TXN: variants seen among roughly 807,000 people sequenced by gnomAD.
The protein encoded by TXN is ADF.
Under a neutral mutation model 16.5 loss-of-function variants are expected in TXN, and 10 were observed. The ratio of observed to expected loss-of-function variants is 0.61; its 90% CI spans 0.37 to 1.03. The LOEUF is 1.03. TXN is among the 50% of genes least tolerant of loss of function. The pLI, the probability that TXN is intolerant of heterozygous loss-of-function variation, is 0.01. For synonymous variants in TXN, 35 were observed against 39.4 expected (o/e 0.89, Z 0.42); for missense variants, 71 against 122.5 (o/e 0.58, Z 1.98).
chr9:110,246,295 G>A (rs929779642), intron 3 of TXN, among the ~76,000 whole-genome samples: 6 of 152,140 alleles, frequency 3.9e-5, no homozygotes, highest in Admixed American at 6.5e-5. Flanking sequence ...TCTCCTAGAA[G>A]TGGCTGTTAC....
At chr9:110,254,105 T>C (rs1287762585) in intron 1 of TXN, among the ~76,000 whole-genome samples, 1 of 151,570 alleles carries the variant, frequency 6.6e-6, no homozygotes, top group Non-Finnish European at 1.5e-5. Flanking sequence ...TCCATTCCTC[T>C]CTGAAATAGA....
intron 3 of TXN, among the ~76,000 whole-genome samples, chr9:110,245,626 A>C (rs1837641072): frequency 4.8e-5 from 1 of 21,012 alleles, no homozygotes; most frequent in Non-Finnish European, 7.6e-5. Flanking sequence ...CACTATATAT[A>C]TATATATATA....
At position 110,245,646 on chromosome 9, in the gene TXN, A is replaced by T. The variant is rs1302915886; in HGVS notation, c.190-803T>A. On this transcript the variant is annotated intron_variant, in intron 3 of 4. Transcript: ENST00000374517. ...TATATATATATATATATATATATAT[A>T]TATATATATTTTTTTTTTTTTTTTT... Among the ~76,000 whole-genome samples, 200 of 27,842 alleles carry T rather than the reference A, an allele frequency of 7.2e-3. 5 individuals carry two copies. Among genetic ancestry groups the T allele is most frequent in the Non-Finnish European group, 9.2e-3 (153 of 16,682 alleles). The allele number at this position is 27,842 out of a possible 152,430, so 18.3% of individuals were successfully genotyped here.
intron 1 of TXN, among the ~76,000 whole-genome samples, chr9:110,255,802 C>A (rs1293222779): frequency 2.0e-5 from 3 of 152,198 alleles, no homozygotes; most frequent in Admixed American, 6.5e-5. Context: ...CCTTTGGGGT[C>A]GGGCATGGGT....
chr9:110,256,447 G>T lies in TXN; in HGVS notation c.-12C>A. 1 of 1,605,686 alleles carries T rather than the reference G, an allele frequency of 6.2e-7. No homozygotes were observed. The highest frequency in any genetic ancestry group is 8.5e-7 in the Non-Finnish European group (1 of 1,176,288). On this transcript the variant is annotated 5_prime_UTR_variant, in exon 1 of 5. Transcript: ENST00000374517. The surrounding 1 kb of genome is among the most constrained non-coding windows in gnomAD (Gnocchi z 4.2). ...ATCTGCTTCACCATCTTGGCTGCTG[G>T]AGTCTGACGAGCGGCTGTAAGGACC... is the stretch of plus-strand genomic sequence containing the variant.
chr9:110,256,358 G>A lies in TXN; in HGVS notation c.24+54C>T, dbSNP rs1443382373. 9 of 1,555,492 alleles carry A rather than the reference G, an allele frequency of 5.8e-6. No individual in the cohort carries two copies. Among genetic ancestry groups the A allele is most frequent in the African/African-American group, 2.7e-5 (2 of 73,048 alleles). On this transcript the variant is annotated intron_variant, in intron 1 of 4. Transcript: ENST00000374517. This position sits in a 1 kb window ranked among gnomAD's most constrained non-coding sequence, Gnocchi z 4.2. Reference sequence around the variant, plus strand: ...CCACCTCCCGCCACCGCCTTCCCCAGTTACAGAGGCCGCGCGCGGCGCCGG... The same window carrying A: ...CCACCTCCCGCCACCGCCTTCCCCAATTACAGAGGCCGCGCGCGGCGCCGG...
rs1218140135 is a variant in TXN, at chr9:110,256,399, C to G, written c.24+13G>C. ...GCGGCGCCGGCACCCTGGCCTTCCC[C>G]GGTAGCGCGTACCTTGCTCTCGATC... is the stretch of plus-strand genomic sequence containing the variant. On this transcript the variant is annotated intron_variant, in intron 1 of 4. Coordinates refer to ENST00000374517, the MANE Select transcript of TXN (RefSeq NM_003329.4). This position sits in a 1 kb window ranked among gnomAD's most constrained non-coding sequence, Gnocchi z 4.2. The G allele has an allele frequency of 2.5e-6, 4 of 1,605,080 alleles. No individual in the cohort carries two copies. The highest frequency in any genetic ancestry group is 3.4e-5 in the Admixed American group (2 of 59,056).
In TXN at chr9:110,256,329, T is replaced by TTCCCCACCTCCCGCCACCGCCG; in HGVS notation, c.24+82_24+83insCGGCGGTGGCGGGAGGTGGGGA. On this transcript the variant is annotated intron_variant, in intron 1 of 4. Coordinates refer to ENST00000374517, the MANE Select transcript of TXN (RefSeq NM_003329.4). This position sits in a 1 kb window ranked among gnomAD's most constrained non-coding sequence, Gnocchi z 4.2. Reference sequence around the variant, plus strand: ...GGCCTCCGCACCTCCCGCCACCGCCTTCCCCACCTCCCGCCACCGCCTTCC... The same window carrying TTCCCCACCTCCCGCCACCGCCG: ...GGCCTCCGCACCTCCCGCCACCGCCTTCCCCACCTCCCGCCACCGCCGTCCCCACCTCCCGCCACCGCCTTCC... The TTCCCCACCTCCCGCCACCGCCG allele has an allele frequency of 9.6e-7, 1 of 1,039,666 alleles. No homozygotes were observed. Among genetic ancestry groups the TTCCCCACCTCCCGCCACCGCCG allele is most frequent in the East Asian group, 3.7e-5 (1 of 27,306 alleles). The allele number at this position is 1,039,666 out of a possible 1,614,324, so 64.4% of individuals were successfully genotyped here.
At position 110,244,815 on chromosome 9, in the gene TXN, C is replaced by A; in HGVS notation, c.218G>T (p.Cys73Phe). Residue 73 changes from cysteine (C) to phenylalanine (F), a missense_variant, in exon 4 of 5, where the codon TGC becomes TTC. By Grantham distance (205) the Cys-to-Phe change is radical. Coordinates refer to ENST00000374517, the MANE Select transcript of TXN (RefSeq NM_003329.4). ...CTTAAAAAACTGGAATGTTGGCATG[C>A]ATTTGACTTCACACTCTGAAGCAAC... is the stretch of plus-strand genomic sequence containing the variant. ...QDVASECEVK[C>F]MPTFQFFKKG... The A allele has an allele frequency of 6.2e-7, 1 of 1,612,934 alleles. No individual in the cohort carries two copies. The highest frequency in any genetic ancestry group is 8.5e-7 in the Non-Finnish European group (1 of 1,179,186).
intron 3 of TXN, among the ~76,000 whole-genome samples, chr9:110,249,625 A>T (rs1837702659): frequency 6.6e-6 from 1 of 152,190 alleles, no homozygotes; most frequent in Admixed American, 6.5e-5. Flanking sequence ...GGCCAGATGG[A>T]GAAGACAGCA....
chr9:110,253,403 T>TA (rs1441229635), intron 1 of TXN, among the ~76,000 whole-genome samples: 2 of 152,170 alleles, frequency 1.3e-5, no homozygotes, highest in African/African-American at 4.8e-5. Flanking sequence ...AATCATCACT[T>TA]ATTGTTCCAG....
intron 1 of TXN, among the ~76,000 whole-genome samples, chr9:110,254,638 G>C (rs932287246): frequency 6.6e-5 from 10 of 152,226 alleles, no homozygotes; most frequent in African/African-American, 1.9e-4. Context: ...CCAGGCTGTA[G>C]TGCTTTTTTT....
At chr9:110,244,299 T>TTAGATATATACATATACATATG in intron 4 of TXN, 80 bp from the exon 5 acceptor site, 1 of 367,000 alleles carries the variant, frequency 2.7e-6, no homozygotes. Flanking sequence ...AAATATGTAT[T>TTAGATATATACATATACATATG]TATATATATA....
chr9:110,253,984 G>A (rs1016898319), intron 1 of TXN, among the ~76,000 whole-genome samples: 4 of 152,094 alleles, frequency 2.6e-5, no homozygotes, highest in African/African-American at 9.7e-5. Context: ...AAGTGTGAGT[G>A]GTTTCTGAAG....
At chr9:110,252,236 A>AAAAAAAAAAAAAG in intron 1 of TXN, among the ~76,000 whole-genome samples, 1 of 151,196 alleles carries the variant, frequency 6.6e-6, no homozygotes, top group Non-Finnish European at 1.5e-5. Flanking sequence ...AAAAAAAAAA[A>AAAAAAAAAAAAAG]AAAAAAAAAG....
At chr9:110,254,827 AG>A in intron 1 of TXN, among the ~76,000 whole-genome samples, 1 of 152,240 alleles carries the variant, frequency 6.6e-6, no homozygotes, top group Non-Finnish European at 1.5e-5. Context: ...GGCTCAGTGG[AG>A]GGGGTTCTTA....
At chr9:110,250,213 G>A (rs1256892788) in intron 3 of TXN, among the ~76,000 whole-genome samples, 1 of 152,186 alleles carries the variant, frequency 6.6e-6, no homozygotes, top group East Asian at 1.9e-4. Context: ...GATGATAACA[G>A]CACTCAGGAT....
chr9:110,252,267 C>T (rs964593870), intron 1 of TXN, among the ~76,000 whole-genome samples: 8 of 135,510 alleles, frequency 5.9e-5, no homozygotes, highest in Non-Finnish European at 9.4e-5. Flanking sequence ...TGATTAAACT[C>T]ATTTGTCTAT....
At chr9:110,252,720 C>CGT (rs200044163) in intron 1 of TXN, among the ~76,000 whole-genome samples, 16,000 of 152,182 alleles carry the variant, frequency 0.11, 993 homozygotes, top group Non-Finnish European at 0.14. Context: ...TCTCGGCTCA[C>CGT]AGTAACCTTT....
Sources: allele counts gnomAD v4.1 joint callset (sites outside exome capture counted in the v4.1 genomes callset), GRCh38; gene constraint gnomAD v4.1.1; non-coding constraint Gnocchi (gnomAD v3.1); transcripts MANE v1.5; gene names NCBI Gene and HGNC (gene_info 2026-07-23, HGNC 2026-07-21).